MAPK14: variants seen among roughly 807,000 people sequenced by gnomAD.
MAPK14 encodes mitogen-activated protein kinase 14.
A neutral mutation model predicts 49.6 loss-of-function variants in MAPK14; 16 were observed. The ratio of observed to expected loss-of-function variants is 0.32; its 90% CI spans 0.22 to 0.49. The LOEUF is 0.49. Among genes scored for constraint, MAPK14 ranks in the 20% least tolerant of loss-of-function variants. MAPK14 has a pLI of 0.99. For synonymous variants in MAPK14, 142 were observed against 158.0 expected (o/e 0.90, Z 0.76); for missense variants, 200 against 441.2 (o/e 0.45, Z 4.90).
chr6:36,078,566 C>T (rs1197754284), intron 8 of MAPK14, among the ~76,000 whole-genome samples: 1 of 152,118 alleles, frequency 6.6e-6, no homozygotes, highest in African/African-American at 2.4e-5. Context: ...GGAAATCTTC[C>T]CTTTGTGCTT....
intron 3 of MAPK14, among the ~76,000 whole-genome samples, chr6:36,066,770 G>A (rs776818245): frequency 1.3e-5 from 2 of 152,028 alleles, no homozygotes; most frequent in African/African-American, 2.4e-5. Context: ...ATGTGTGTAT[G>A]TGTGTATGTG....
intron 2 of MAPK14, among the ~76,000 whole-genome samples, chr6:36,055,122 A>G (rs1183165125): frequency 2.0e-5 from 3 of 152,242 alleles, no homozygotes; most frequent in Admixed American, 2.0e-4. Flanking sequence ...ACCATTCCTG[A>G]TTGAACTTCT....
At chr6:36,074,278 C>G (rs1335421234) in intron 6 of MAPK14, among the ~76,000 whole-genome samples, 182 bp downstream of exon 6, 1 of 152,036 alleles carries the variant, frequency 6.6e-6, no homozygotes, top group Non-Finnish European at 1.5e-5. Context: ...TTGAAAGTGG[C>G]ATCACTTGTT....
intron 1 of MAPK14, among the ~76,000 whole-genome samples, chr6:36,033,240 G>A (rs1762609729): frequency 6.6e-6 from 1 of 151,904 alleles, no homozygotes; most frequent in Admixed American, 6.6e-5. Context: ...TTGTATTATT[G>A]ATGTATAAAG....
intron 3 of MAPK14, among the ~76,000 whole-genome samples, chr6:36,064,212 A>G (rs958629244): frequency 6.6e-5 from 10 of 151,824 alleles, no homozygotes; most frequent in African/African-American, 2.4e-4. Context: ...TCCTGGACTC[A>G]AGCAATCCCC....
intron 3 of MAPK14, among the ~76,000 whole-genome samples, chr6:36,060,773 G>A (rs1434250367): frequency 6.6e-6 from 1 of 152,208 alleles, no homozygotes; most frequent in African/African-American, 2.4e-5. Flanking sequence ...AGGAAAGGTG[G>A]CAAAAACATT....
At chr6:36,097,643 A>G (rs1354000159) in intron 9 of MAPK14, 1 of 152,050 alleles carries the variant, frequency 6.6e-6, no homozygotes, top group Non-Finnish European at 1.5e-5. Context: ...TTCCATCCCA[A>G]CCATCTGCCC....
intron 8 of MAPK14, chr6:36,076,819 T>G: frequency 2.3e-6 from 1 of 436,812 alleles, no homozygotes; most frequent in Non-Finnish European, 4.1e-6. Context: ...AAATTCCTCA[T>G]AAGTTGAAAA....
At chr6:36,095,531 C>T (rs568454875) in intron 8 of MAPK14, among the ~76,000 whole-genome samples, 1 of 152,182 alleles carries the variant, frequency 6.6e-6, no homozygotes, top group Non-Finnish European at 1.5e-5. Flanking sequence ...ACTTGTACAT[C>T]CCTAGCTCCT....
intron 3 of MAPK14, among the ~76,000 whole-genome samples, chr6:36,068,517 A>G (rs748382934): frequency 4.6e-5 from 7 of 152,234 alleles, no homozygotes; most frequent in Non-Finnish European, 8.8e-5. Context: ...GCTTGTGCTT[A>G]CAAATTGTCA....
At chr6:36,031,538 T>C (rs1164227357) in intron 1 of MAPK14, among the ~76,000 whole-genome samples, 2 of 152,152 alleles carry the variant, frequency 1.3e-5, no homozygotes, top group Admixed American at 6.5e-5. Context: ...CCCAAGTAGC[T>C]GGGATACAAG....
At chr6:36,119,475 A>T in the MAPK14 span, among the ~76,000 whole-genome samples, 1 of 152,208 alleles carries the variant, frequency 6.6e-6, no homozygotes. Context: ...TTCACTCAAC[A>T]TCATTTGTAA....
chr6:36,112,674 C>T (rs924994908), downstream of MAPK14, among the ~76,000 whole-genome samples: 7 of 152,118 alleles, frequency 4.6e-5, no homozygotes, highest in Non-Finnish European at 7.4e-5. Flanking sequence ...AAGTATCTAT[C>T]GGTGATCACC....
Position 36,107,733 on chromosome 6 carries a change from G to T in MAPK14, c.1015+105G>T. On this transcript the variant is annotated intron_variant, in intron 11 of 11. Coordinates refer to ENST00000229794, the MANE Select transcript of MAPK14 (RefSeq NM_139012.3). The surrounding 1 kb of genome is among the most constrained non-coding windows in gnomAD (Gnocchi z 4.3). The stretch of plus-strand genomic sequence containing the variant: ...CAACTTGCTAAAGCTTGTAGATGAG[G>T]TCTCTAATGCAGAATGAATATGTTC... The T allele has an allele frequency of 1.4e-6, 1 of 716,752 alleles. No individual in the cohort carries two copies. Among genetic ancestry groups the T allele is most frequent in the Non-Finnish European group, 2.1e-6 (1 of 465,644 alleles). 44.4% of individuals were successfully genotyped at this position (716,752 alleles called of 1,614,324 possible). A position where few individuals can be genotyped will look rare whatever the true frequency, so the allele number is the denominator to read the frequency against.
chr6:36,052,619 G>T, intron 1 of MAPK14, 80 bp from the exon 2 acceptor site: 3 of 1,339,462 alleles, frequency 2.2e-6, no homozygotes, highest in South Asian at 1.6e-5. Context: ...CCTTTAATTT[G>T]GAAATAGCCT....
the MAPK14 span, among the ~76,000 whole-genome samples, chr6:36,124,017 G>T: frequency 8.6e-5 from 13 of 151,966 alleles, no homozygotes; most frequent in Non-Finnish European, 1.8e-4. Context: ...CCACCAGGGG[G>T]TGCTAAAGCT....
intron 8 of MAPK14, among the ~76,000 whole-genome samples, chr6:36,086,551 G>T (rs923500844): frequency 2.6e-5 from 4 of 152,150 alleles, no homozygotes; most frequent in Non-Finnish European, 5.9e-5. Context: ...AGAAAATCTA[G>T]AAGAAATGGA....
At chr6:36,050,371 G>A (rs775456392) in intron 1 of MAPK14, among the ~76,000 whole-genome samples, 11 of 152,180 alleles carry the variant, frequency 7.2e-5, no homozygotes, top group Non-Finnish European at 1.6e-4. Context: ...GTAAACTAGA[G>A]GTAACTAGGT....
At chr6:36,089,394 A>G (rs950767271) in intron 8 of MAPK14, among the ~76,000 whole-genome samples, 2 of 152,166 alleles carry the variant, frequency 1.3e-5, no homozygotes, top group African/African-American at 2.4e-5. Flanking sequence ...GGTGGGGGTC[A>G]GGCGGAGGGA....
Sources: gnomAD v4.1 joint callset for allele counts (sites outside exome capture counted in the v4.1 genomes callset) on GRCh38, gnomAD v4.1.1 for gene constraint, Gnocchi (gnomAD v3.1) non-coding constraint, MANE v1.5 for transcripts, NCBI Gene and HGNC (gene_info 2026-07-23, HGNC 2026-07-21) for gene names.